The following PPP3CC variants were observed in gnomAD, a reference collection of about 807,000 sequenced individuals.
The protein encoded by PPP3CC is protein phosphatase 3 catalytic subunit gamma, also known as serine/threonine-protein phosphatase 2B catalytic subunit gamma isoform.
Under a neutral mutation model 60.3 loss-of-function variants are expected in PPP3CC, and 35 were observed. The observed-to-expected ratio is 0.58, with a 90% CI of 0.44 to 0.77. The LOEUF is 0.77. Among genes scored for constraint, PPP3CC ranks in the 30% least tolerant of loss-of-function variants. The pLI is 0.00. For synonymous variants in PPP3CC, 206 were observed against 224.3 expected, an observed-to-expected ratio of 0.92 and a Z score of 0.73; for missense variants, 570 against 628.9, an observed-to-expected ratio of 0.91 and a Z score of 1.00.
chr8:22,493,874 G>T (rs1021401526), intron 3 of PPP3CC, among the ~76,000 whole-genome samples: 1 of 152,110 alleles, frequency 6.6e-6, no homozygotes, highest in African/African-American at 2.4e-5. Context: ...TTATTATCAG[G>T]TATTATGTAC....
chr8:22,473,428 AT>A (rs1282424337), intron 1 of PPP3CC, among the ~76,000 whole-genome samples: 1 of 151,724 alleles, frequency 6.6e-6, no homozygotes, highest in Non-Finnish European at 1.5e-5. Context: ...AGTTATTAGC[AT>A]TTCCAGGTTA....
At chr8:22,472,022 T>C (rs933125210) in intron 1 of PPP3CC, among the ~76,000 whole-genome samples, 1 of 151,930 alleles carries the variant, frequency 6.6e-6, no homozygotes, top group African/African-American at 2.4e-5. Flanking sequence ...AGCTGAGGAC[T>C]GGGAGGCTGA....
intron 1 of PPP3CC, 30 bp downstream of exon 1, chr8:22,441,488 A>T: frequency 6.6e-7 from 1 of 1,513,960 alleles, no homozygotes; most frequent in Non-Finnish European, 8.9e-7. Flanking sequence ...TTCCTCTGGG[A>T]CCCGCGGGAA....
intron 6 of PPP3CC, among the ~76,000 whole-genome samples, chr8:22,520,391 T>A (rs1839373424): frequency 6.6e-6 from 1 of 152,190 alleles, no homozygotes; most frequent in Non-Finnish European, 1.5e-5. Flanking sequence ...CTTTAGTTTT[T>A]AAAAATAAGA....
chr8:22,451,927 T>C (rs1187302713), intron 1 of PPP3CC, among the ~76,000 whole-genome samples: 1 of 152,208 alleles, frequency 6.6e-6, no homozygotes, highest in Non-Finnish European at 1.5e-5. Context: ...ATTGAAATGC[T>C]TCTGGTCCTA....
chr8:22,467,843 T>C (rs1194275000), intron 1 of PPP3CC, among the ~76,000 whole-genome samples: 1 of 152,206 alleles, frequency 6.6e-6, no homozygotes, highest in Non-Finnish European at 1.5e-5. Flanking sequence ...GCAGATTGTG[T>C]GTCTGGTGAG....
intron 3 of PPP3CC, among the ~76,000 whole-genome samples, chr8:22,481,004 A>G (rs928372326): frequency 6.6e-6 from 1 of 152,230 alleles, no homozygotes; most frequent in African/African-American, 2.4e-5. Flanking sequence ...GGCTCAGAAC[A>G]TCTGATCAAA....
intron 10 of PPP3CC, among the ~76,000 whole-genome samples, chr8:22,531,135 G>T (rs1247349484): frequency 6.6e-6 from 1 of 152,150 alleles, no homozygotes. Context: ...ATTTAATGTT[G>T]TATCATGATT....
At chr8:22,456,696 A>G (rs1837204787) in intron 1 of PPP3CC, among the ~76,000 whole-genome samples, 3 of 152,190 alleles carry the variant, frequency 2.0e-5, no homozygotes, top group East Asian at 1.9e-4. Flanking sequence ...CAATAAGGGT[A>G]CTCAACAGTA....
chr8:22,458,276 C>T (rs917201378), intron 1 of PPP3CC, among the ~76,000 whole-genome samples: 5 of 152,000 alleles, frequency 3.3e-5, no homozygotes, highest in African/African-American at 1.2e-4. Flanking sequence ...CCTTCTAGCT[C>T]TTTGATACAA....
intron 1 of PPP3CC, among the ~76,000 whole-genome samples, chr8:22,461,899 T>G (rs942611637): frequency 6.6e-6 from 1 of 152,070 alleles, no homozygotes; most frequent in Non-Finnish European, 1.5e-5. Context: ...GTTAGATCAG[T>G]TTGTGGTACT....
At chr8:22,460,015 CATT>C (rs1471748782) in intron 1 of PPP3CC, among the ~76,000 whole-genome samples, 2 of 151,926 alleles carry the variant, frequency 1.3e-5, no homozygotes, top group African/African-American at 4.8e-5. Context: ...ATTAAGAAAA[CATT>C]AGAAGATTGT....
chr8:22,469,336 G>T (rs1157497122), intron 1 of PPP3CC, among the ~76,000 whole-genome samples: 1 of 152,022 alleles, frequency 6.6e-6, no homozygotes, highest in Non-Finnish European at 1.5e-5. Context: ...GACTGGGAAG[G>T]GTGAGTGGGG....
intron 3 of PPP3CC, among the ~76,000 whole-genome samples, chr8:22,490,395 C>T (rs1041804492): frequency 1.3e-5 from 2 of 152,084 alleles, no homozygotes; most frequent in African/African-American, 4.8e-5. Flanking sequence ...ACTTTGAGAA[C>T]CACTGTTGTA....
chr8:22,534,953 G>T (rs1270642786), intron 12 of PPP3CC, among the ~76,000 whole-genome samples: 2 of 152,280 alleles, frequency 1.3e-5, no homozygotes, highest in African/African-American at 2.4e-5. Flanking sequence ...ACTTCCTCTG[G>T]TGGGAGAATA....
chr8:22,519,523 T>C (rs567816996), intron 6 of PPP3CC, among the ~76,000 whole-genome samples: 1 of 152,350 alleles, frequency 6.6e-6, no homozygotes, highest in South Asian at 2.1e-4. Flanking sequence ...CTGTGCTTTT[T>C]TGTTCATCGG....
At chr8:22,501,412 A>G (rs952774759) in intron 4 of PPP3CC, among the ~76,000 whole-genome samples, 2 of 152,228 alleles carry the variant, frequency 1.3e-5, no homozygotes, top group African/African-American at 4.8e-5. Context: ...TTCTCTGTAT[A>G]GGATCTCACT....
chr8:22,495,383 G>A (rs918281250), intron 3 of PPP3CC, among the ~76,000 whole-genome samples: 20 of 152,008 alleles, frequency 1.3e-4, no homozygotes, highest in African/African-American at 4.8e-4. Context: ...GGTCATTTAG[G>A]TTGTTCCTAA....
intron 4 of PPP3CC, among the ~76,000 whole-genome samples, chr8:22,506,776 C>T (rs1195761025): frequency 2.0e-5 from 3 of 151,560 alleles, no homozygotes; most frequent in Non-Finnish European, 4.4e-5. Context: ...CCCGTCTCTA[C>T]TAAAAATAAA....
Sources: gnomAD v4.1 joint callset for allele counts (sites outside exome capture counted in the v4.1 genomes callset) on GRCh38, gnomAD v4.1.1 for gene constraint, MANE v1.5 for transcripts, NCBI Gene and HGNC (gene_info 2026-07-23, HGNC 2026-07-21) for gene names.